Variants in WNK3 observed in about 807,000 individuals in gnomAD.
WNK3 encodes the protein WNK lysine deficient protein kinase 3.
A neutral mutation model predicts 116.7 loss-of-function variants in WNK3; 18 were observed. The observed-to-expected ratio is 0.15, with a 90% CI of 0.11 to 0.23. The LOEUF (loss-of-function observed/expected upper bound fraction) is 0.23. WNK3 is among the 10% of genes least tolerant of loss of function. WNK3 has a pLI of 1.00. For missense variants in WNK3, 993 were observed against 1,323.8 expected, an observed-to-expected ratio of 0.75 and a Z score of 3.88; for synonymous variants, 404 against 469.4, an observed-to-expected ratio of 0.86 and a Z score of 1.80.
exon 24 of WNK3, chrX:54,195,286 G>C (rs2067432772): frequency 9.0e-6 from 1 of 111,321 alleles, no homozygotes; most frequent in Non-Finnish European, 1.9e-5. Flanking sequence ...CAAGCAGGAT[G>C]GTTAAGTACA....
intron 1 of WNK3, among the ~76,000 whole-genome samples, chrX:54,355,990 ACT>A (rs2069588863): frequency 8.9e-6 from 1 of 111,794 alleles, no homozygotes; most frequent in African/African-American, 3.2e-5. Flanking sequence ...CAAGGATTAC[ACT>A]CTTTCCAATA....
chrX:54,311,356 C>T (rs1392068332), intron 2 of WNK3, 65 bp from the exon 3 acceptor site: 4 of 882,495 alleles, frequency 4.5e-6, no homozygotes, highest in East Asian at 6.3e-5. Flanking sequence ...TCTAATACCA[C>T]TCAACTGAAT....
At chrX:54,338,617 T>C (rs2147280589) in intron 1 of WNK3, among the ~76,000 whole-genome samples, 1 of 108,680 alleles carries the variant, frequency 9.2e-6, no homozygotes, top group Non-Finnish European at 1.9e-5. Context: ...AAATAAAATC[T>C]TATTCAGACC....
intron 1 of WNK3, among the ~76,000 whole-genome samples, chrX:54,354,393 C>A (rs917832325): frequency 2.1e-4 from 24 of 111,874 alleles, no homozygotes; most frequent in African/African-American, 7.8e-4. Flanking sequence ...TCGAGTATAT[C>A]TGTAAATAGA....
At chrX:54,308,180 T>G (rs962747870) in intron 4 of WNK3, 101 bp from the exon 5 acceptor site, 1 of 736,950 alleles carries the variant, frequency 1.4e-6, no homozygotes, top group Non-Finnish European at 1.9e-6. Flanking sequence ...TAATTTCTAC[T>G]CCCCCAAAGC....
At position 54,337,261 on chromosome X, in the gene WNK3, TA is replaced by T. The variant is rs782009741; in HGVS notation, c.-119-3470del. On this transcript the variant is annotated intron_variant, in intron 1 of 23. Coordinates refer to ENST00000354646, the Ensembl canonical transcript of WNK3. ...AATTTTTTTTACTACAGAACCTATTTAAAAAAAATAAAATCTTTGGCTGGGT... is the reference window on the plus strand; with the variant it reads ...AATTTTTTTTACTACAGAACCTATTTAAAAAAATAAAATCTTTGGCTGGGT... 1.4e-4 allele frequency among the ~76,000 whole-genome samples: 16 copies of T among 110,829 alleles called. No individual in the cohort carries two copies. In the Admixed American group the frequency reaches 1.6e-3, roughly 11 times the overall value.
At chrX:54,309,105 C>T (rs1557169228) in exon 4 of WNK3, 2 of 1,209,173 alleles carry the variant, frequency 1.7e-6, no homozygotes, top group African/African-American at 3.5e-5. Context: ...CAATGACACT[C>T]TTAGCAAATG....
intron 1 of WNK3, among the ~76,000 whole-genome samples, chrX:54,348,510 T>C (rs1175073645): frequency 1.8e-5 from 2 of 111,796 alleles, no homozygotes; most frequent in East Asian, 2.8e-4. Context: ...TTTTAAACTT[T>C]TATTTATTTA....
At chrX:54,308,245 G>A (rs1470406493) in intron 4 of WNK3, among the ~76,000 whole-genome samples, 166 bp from the exon 5 acceptor site, 1 of 109,852 alleles carries the variant, frequency 9.1e-6, no homozygotes, top group Admixed American at 9.9e-5. Flanking sequence ...AGGCTGGAGT[G>A]CAGTGGTGCC....
chrX:54,235,576 T>C (rs532770850), intron 20 of WNK3, among the ~76,000 whole-genome samples: 4 of 111,850 alleles, frequency 3.6e-5, no homozygotes, highest in African/African-American at 1.3e-4. Flanking sequence ...CATGAGCCAC[T>C]GTGTCTGGCC....
At chrX:54,308,123 C>A (rs782539247) in intron 4 of WNK3, 44 bp from the exon 5 acceptor site, 1 of 1,056,371 alleles carries the variant, frequency 9.5e-7, no homozygotes, top group African/African-American at 1.9e-5. Context: ...AAGAGAAAAA[C>A]GTATCCACCA....
chrX:54,230,058 C>T (rs201088616), intron 21 of WNK3, among the ~76,000 whole-genome samples: 13 of 111,329 alleles, frequency 1.2e-4, no homozygotes, highest in Admixed American at 4.8e-4. Context: ...CTGCCAATGA[C>T]ACTGTTAAGA....
At chrX:54,301,242 C>CAA (rs782232400) in intron 6 of WNK3, among the ~76,000 whole-genome samples, 4 of 34,954 alleles carry the variant, frequency 1.1e-4, no homozygotes, top group African/African-American at 2.8e-4. Context: ...GACTCTGTCT[C>CAA]AAAAAAAAAA....
chrX:54,209,707 C>T lies in WNK3; in HGVS notation c.4871-7514G>A, dbSNP rs782256191. ...GTGGGATTACAGGTGTCTGCCACCA[C>T]GTCTGGCTAGTTTTTGTATTTTTAG... On this transcript the variant is annotated intron_variant, in intron 22 of 23. Transcript: ENST00000354646. Among the ~76,000 whole-genome samples, 368 of 107,021 alleles carry T rather than the reference C, an allele frequency of 3.4e-3. 2 individuals are homozygous for T. Among genetic ancestry groups the T allele is most frequent in the African/African-American group, 0.012 (345 of 29,387 alleles). The allele number at this position is 107,021 out of a possible 115,157, so 92.9% of individuals were successfully genotyped here.
At chrX:54,249,691 A>G in intron 16 of WNK3, 57 bp from the exon 17 acceptor site, 5 of 1,044,680 alleles carry the variant, frequency 4.8e-6, no homozygotes, top group Non-Finnish European at 6.5e-6. Flanking sequence ...AGCACAGACT[A>G]GTACCCTAAG....
intron 6 of WNK3, among the ~76,000 whole-genome samples, chrX:54,300,958 G>A (rs1053310969): frequency 9.9e-5 from 11 of 111,326 alleles, no homozygotes; most frequent in Non-Finnish European, 1.3e-4. Context: ...CTAAAGGGAG[G>A]CAGGTTGGGC....
intron 22 of WNK3, among the ~76,000 whole-genome samples, chrX:54,207,793 C>T (rs1307494345): frequency 2.7e-5 from 3 of 110,549 alleles, no homozygotes; most frequent in South Asian, 7.6e-4. Flanking sequence ...GGATTACAGG[C>T]GTGAGCCACT....
At chrX:54,209,374 G>C (rs1164751619) in intron 22 of WNK3, among the ~76,000 whole-genome samples, 2 of 104,534 alleles carry the variant, frequency 1.9e-5, no homozygotes, top group African/African-American at 7.0e-5. Context: ...AGTGGGCCGA[G>C]ACCACACCAC....
chrX:54,298,149 G>A (rs782506095), intron 7 of WNK3, 26 bp downstream of exon 7: 1 of 959,672 alleles, frequency 1.0e-6, no homozygotes, highest in African/African-American at 1.9e-5. Flanking sequence ...TAAGAGGTGA[G>A]GGGAATAGTG....
Sources: allele counts gnomAD v4.1 joint callset (sites outside exome capture counted in the v4.1 genomes callset), GRCh38; gene constraint gnomAD v4.1.1; transcripts MANE v1.5; gene names NCBI Gene and HGNC (gene_info 2026-07-23, HGNC 2026-07-21).